Variants in ACP6 observed in about 807,000 individuals in gnomAD.
The protein encoded by ACP6 is acid phosphatase 6, lysophosphatidic.
In ACP6, 48 loss-of-function variants were observed where a neutral mutation model predicts 48.1. That is an observed-to-expected ratio of 1.00 (90% CI 0.79 to 1.27). The LOEUF (loss-of-function observed/expected upper bound fraction) is 1.27, where lower values mean the gene tolerates loss of function less well. Ranked by LOEUF, ACP6 falls within the 50% of genes most tolerant of loss-of-function variation. ACP6 has a pLI of 0.00. For missense variants in ACP6, 485 were observed against 529.1 expected, an observed-to-expected ratio of 0.92 and a Z score of 0.82; for synonymous variants, 172 against 204.2, an observed-to-expected ratio of 0.84 and a Z score of 1.34.
chr1:147,661,769 T>C (rs1053422589), intron 1 of ACP6, among the ~76,000 whole-genome samples: 1 of 152,138 alleles, frequency 6.6e-6, no homozygotes, highest in Non-Finnish European at 1.5e-5. Context: ...ACTACTCTGG[T>C]GAACACACAA....
intron 6 of ACP6, 53 bp from the exon 7 acceptor site, chr1:147,652,602 T>C (rs1190556686): frequency 6.2e-7 from 1 of 1,612,390 alleles, no homozygotes; most frequent in African/African-American, 1.3e-5. Flanking sequence ...CTACTGATTC[T>C]GGCAGCTGAT....
chr1:147,648,794 T>C (rs587643868), intron 8 of ACP6, among the ~76,000 whole-genome samples: 1 of 152,334 alleles, frequency 6.6e-6, no homozygotes, highest in East Asian at 1.9e-4. Context: ...GTAGGGCTCC[T>C]TGTTGGGGAA....
At chr1:147,650,357 G>A in intron 7 of ACP6, 119 bp from the exon 8 acceptor site, 1 of 646,304 alleles carries the variant, frequency 1.5e-6, no homozygotes, top group Non-Finnish European at 2.5e-6. Context: ...GGCAAGTAAT[G>A]CATAAGGGCC....
Position 147,648,231 on chromosome 1 carries a change from C to T in ACP6, c.1143+15G>A. Reference sequence around the variant, plus strand: ...GGTGCCTCACCACCACCCAACCCCACCTCAGGGGTATTACCTTCCCGTGGT... The same window carrying T: ...GGTGCCTCACCACCACCCAACCCCATCTCAGGGGTATTACCTTCCCGTGGT... On this transcript the variant is annotated intron_variant, in intron 9 of 9. Coordinates refer to ENST00000583509, the MANE Select transcript of ACP6 (RefSeq NM_016361.5). 6.2e-7 allele frequency: 1 copy of T among 1,613,796 alleles called. No homozygotes were observed.
chr1:147,652,752 G>GA, intron 6 of ACP6: 1 of 372,040 alleles, frequency 2.7e-6, no homozygotes, highest in South Asian at 7.4e-5. Flanking sequence ...CTGAAGGCCA[G>GA]GAAAAAAAAA....
intron 1 of ACP6, among the ~76,000 whole-genome samples, chr1:147,667,146 A>G (rs1660836621): frequency 6.6e-6 from 1 of 152,194 alleles, no homozygotes; most frequent in African/African-American, 2.4e-5. Context: ...TTTCCAAAGC[A>G]CAATCTTTTA....
At chr1:147,634,190 T>A (rs1227404422) in intron 5 of ACP6, among the ~76,000 whole-genome samples, 1 of 152,232 alleles carries the variant, frequency 6.6e-6, no homozygotes, top group African/African-American at 2.4e-5. Context: ...GGTTTGCATT[T>A]CTCTGATGAG....
downstream of ACP6, among the ~76,000 whole-genome samples, chr1:147,639,551 C>A (rs1245554940): frequency 3.3e-5 from 5 of 152,188 alleles, no homozygotes; most frequent in Non-Finnish European, 5.9e-5. Context: ...TCAATCAGTT[C>A]CTCCCAAGCT....
intron 1 of ACP6, among the ~76,000 whole-genome samples, chr1:147,665,647 T>C (rs1043117892): frequency 6.6e-6 from 1 of 152,196 alleles, no homozygotes; most frequent in Admixed American, 6.5e-5. Flanking sequence ...GAATTATCCA[T>C]CCTTGTAGTT....
chr1:147,663,995 G>A (rs914023099), intron 1 of ACP6, among the ~76,000 whole-genome samples: 3 of 152,030 alleles, frequency 2.0e-5, no homozygotes, highest in East Asian at 1.9e-4. Context: ...GTCACATATC[G>A]TCATATTTAT....
intron 5 of ACP6, 110 bp downstream of exon 5, chr1:147,655,051 A>T: frequency 1.2e-6 from 1 of 822,336 alleles, no homozygotes; most frequent in East Asian, 2.8e-5. Context: ...CCCATCCATT[A>T]TTCGCCAGTA....
At chr1:147,652,369 G>C in intron 7 of ACP6, 80 bp downstream of exon 7, 3 of 1,380,460 alleles carry the variant, frequency 2.2e-6, no homozygotes, top group Non-Finnish European at 3.0e-6. Context: ...AGGTGTGAGT[G>C]GGCCTGATGA....
At chr1:147,650,358 C>G in intron 7 of ACP6, 120 bp from the exon 8 acceptor site, 3 of 636,002 alleles carry the variant, frequency 4.7e-6, no homozygotes, top group Non-Finnish European at 5.1e-6. Flanking sequence ...GCAAGTAATG[C>G]ATAAGGGCCA....
rs2148900642 is a variant in ACP6 at position 147,644,675 on chromosome 1, A to G, written c.*2748T>C. 1 of 152,372 alleles carries G rather than the reference A, an allele frequency of 6.6e-6. No individual in the cohort carries two copies. The highest frequency in any genetic ancestry group is 2.1e-4 in the South Asian group (1 of 4,830). The allele number at this position is 152,372 out of a possible 1,614,324, so 9.4% of individuals were successfully genotyped here. On this transcript the variant is annotated 3_prime_UTR_variant, in exon 10 of 10. Coordinates refer to ENST00000583509, the MANE Select transcript of ACP6 (RefSeq NM_016361.5). ...ATACAACAGGAGTTACTGATGTAGT[A>G]GAGGTAGGATATGAGAAAAAGAGGG...
chr1:147,668,443 A>G (rs1281194062), intron 1 of ACP6, among the ~76,000 whole-genome samples: 5 of 151,966 alleles, frequency 3.3e-5, no homozygotes, highest in Non-Finnish European at 7.4e-5. Context: ...TATGGTACAT[A>G]CTAGGTCTAG....
downstream of ACP6, among the ~76,000 whole-genome samples, chr1:147,640,801 A>C (rs1358286909): frequency 6.6e-6 from 1 of 152,202 alleles, no homozygotes; most frequent in Non-Finnish European, 1.5e-5. Flanking sequence ...CGGAATCCTG[A>C]GAAGACCAGC....
chr1:147,657,689 GATTACA>G (rs1216344570), intron 4 of ACP6, among the ~76,000 whole-genome samples: 1 of 152,092 alleles, frequency 6.6e-6, no homozygotes, highest in Non-Finnish European at 1.5e-5. Flanking sequence ...AAAGTGCTAG[GATTACA>G]AGCGTGAACT....
chr1:147,633,025 C>T (rs1659210782), intron 5 of ACP6, among the ~76,000 whole-genome samples: 1 of 152,186 alleles, frequency 6.6e-6, no homozygotes, highest in South Asian at 2.1e-4. Context: ...AAGAGGCCAT[C>T]CTACTGCCCT....
intron 1 of ACP6, among the ~76,000 whole-genome samples, chr1:147,661,496 C>T (rs1286406612): frequency 6.6e-6 from 1 of 152,062 alleles, no homozygotes; most frequent in Non-Finnish European, 1.5e-5. Context: ...GTATTTCCCC[C>T]ATCTCTCTCC....
Sources: allele counts gnomAD v4.1 joint callset (sites outside exome capture counted in the v4.1 genomes callset), GRCh38; gene constraint gnomAD v4.1.1; transcripts MANE v1.5; gene names NCBI Gene and HGNC (gene_info 2026-07-23, HGNC 2026-07-21).